The following ARAP1 variants were observed in gnomAD, a reference collection of about 807,000 sequenced individuals.
The protein encoded by ARAP1 is ArfGAP with RhoGAP domain, ankyrin repeat and PH domain 1, also known as arf-GAP with Rho-GAP domain, ANK repeat and PH domain-containing protein 1.
A neutral mutation model predicts 172.2 loss-of-function variants in ARAP1; 76 were observed. The ratio of observed to expected loss-of-function variants is 0.44; its 90% CI spans 0.37 to 0.53. The LOEUF is 0.53. ARAP1 is among the 20% of genes least tolerant of loss of function. The pLI, the probability that ARAP1 is intolerant of heterozygous loss-of-function variation, is 0.00. For synonymous variants in ARAP1, 804 were observed against 803.3 expected (o/e 1.00, Z -0.01); for missense variants, 1,686 against 1,977.5 (o/e 0.85, Z 2.80).
chr11:72,697,981 C>T lies in ARAP1; in HGVS notation c.2667G>A (p.Ser889=), dbSNP rs374176885. The change falls in exon 19 of 35, where the codon TCG becomes TCA. Residue 889 remains serine, a synonymous_variant. Transcript: ENST00000393609. ...CCTCCGGGAAGACAGCACGGAGCTC[C>T]GAGCCACTGAGAGAGAACCAGCCCT... is the stretch of plus-strand genomic sequence containing the variant. ...AQEGWFSLSG[S]ELRAVFPEGP... is the part of the protein sequence containing the mutation. The T allele has an allele frequency of 9.3e-6, 15 of 1,610,936 alleles. No homozygotes were observed. Among genetic ancestry groups the T allele is most frequent in the South Asian group, 3.3e-5 (3 of 90,710 alleles).
chr11:72,736,605 GA>G lies in ARAP1; in HGVS notation c.-127-4009del, dbSNP rs1858033575. Among the ~76,000 whole-genome samples, 3 of 152,214 alleles carry G rather than the reference GA, an allele frequency of 2.0e-5. No homozygotes were observed. The South Asian group carries it at 6.2e-4, about 32-fold the overall frequency. On this transcript the variant is annotated intron_variant, in intron 1 of 34. Coordinates refer to ENST00000393609, the MANE Select transcript of ARAP1 (RefSeq NM_001040118.3). ...TGTTGCGACAGCACAGCCAAGAGCT[GA>G]GGGGTTTCCCTCCTCTCCACCCTAA... is the stretch of plus-strand genomic sequence containing the variant.
chr11:72,739,911 C>G (rs535433199), intron 1 of ARAP1, among the ~76,000 whole-genome samples: 1 of 152,286 alleles, frequency 6.6e-6, no homozygotes, highest in Admixed American at 6.5e-5. Context: ...AGCTCCAGAC[C>G]AGACCTGACT....
At chr11:72,714,847 C>G (rs1276777464) in intron 3 of ARAP1, among the ~76,000 whole-genome samples, 2 of 152,294 alleles carry the variant, frequency 1.3e-5, no homozygotes, top group East Asian at 3.9e-4. Context: ...TCACTACCTC[C>G]TGGTGCCCTC....
chr11:72,712,014 C>A (rs1857035657), intron 7 of ARAP1, among the ~76,000 whole-genome samples, 182 bp downstream of exon 7: 2 of 152,138 alleles, frequency 1.3e-5, no homozygotes, highest in Admixed American at 1.3e-4. Context: ...ATTTTCAGGG[C>A]AATAAAATGG....
Position 72,725,322 on chromosome 11 carries a change from T to TTC in ARAP1, c.509+1296_509+1297dup, listed in dbSNP as rs991012296. 4.0e-5 allele frequency among the ~76,000 whole-genome samples: 6 copies of TTC among 150,700 alleles called. No homozygotes were observed. Among genetic ancestry groups the TTC allele is most frequent in the Non-Finnish European group, 5.9e-5 (4 of 67,624 alleles). On this transcript the variant is annotated intron_variant, in intron 3 of 34. Coordinates refer to ENST00000393609, the MANE Select transcript of ARAP1 (RefSeq NM_001040118.3). The surrounding 1 kb of genome is among the most constrained non-coding windows in gnomAD (Gnocchi z 4.3). Reference sequence around the variant, plus strand: ...TCTCTCTCTCTCTCTCTCTCTCTTTTTCTCTCTCTCTCTCCCCCCCACAAG... The same window carrying TTC: ...TCTCTCTCTCTCTCTCTCTCTCTTTTTCTCTCTCTCTCTCTCCCCCCCACAAG...
At chr11:72,744,607 C>T (rs999460864) in intron 1 of ARAP1, among the ~76,000 whole-genome samples, 5 of 152,216 alleles carry the variant, frequency 3.3e-5, no homozygotes, top group Non-Finnish European at 5.9e-5. Context: ...GCCGCACGGG[C>T]AAGTCAGGAC....
intron 2 of ARAP1, among the ~76,000 whole-genome samples, chr11:72,728,740 A>C (rs200096852): frequency 6.6e-6 from 1 of 152,238 alleles, no homozygotes; most frequent in East Asian, 1.9e-4. Flanking sequence ...AGAGATAAAC[A>C]ACAGCGATAG....
intron 3 of ARAP1, chr11:72,722,042 T>A: frequency 8.1e-6 from 8 of 985,642 alleles, no homozygotes; most frequent in Non-Finnish European, 9.6e-6. Context: ...TGAGCCCAGG[T>A]ATGGCTTTGC....
At position 72,695,552 on chromosome 11, in the gene ARAP1, C is replaced by T; in HGVS notation, c.3497G>A (p.Ser1166Asn). 1.2e-6 allele frequency: 2 copies of T among 1,614,114 alleles called. No individual in the cohort carries two copies. The highest frequency in any genetic ancestry group is 1.7e-6 in the Non-Finnish European group (2 of 1,180,028). ...GGCTCCAGCCTTCACCTGGGTCCCA[C>T]TGGCAGTGCCAGCCACGCGCATCTT... ...IVKMRVAGTA[S>N]GTQHAGDFIC... Residue 1166 changes from serine (S) to asparagine (N), a missense_variant, in exon 25 of 35, where the codon AGT becomes AAT. By Grantham distance (46) the Ser-to-Asn change is conservative (BLOSUM62 1). This residue lies in a region of ARAP1 where 379 missense variants were observed against 500.1 expected (regional missense o/e 0.76). Coordinates refer to ENST00000393609, the MANE Select transcript of ARAP1 (RefSeq NM_001040118.3). This position sits in a 1 kb window ranked among gnomAD's most constrained non-coding sequence, Gnocchi z 4.4.
At chr11:72,734,696 G>C (rs1857959474) in intron 1 of ARAP1, among the ~76,000 whole-genome samples, 1 of 152,166 alleles carries the variant, frequency 6.6e-6, no homozygotes, top group Admixed American at 6.5e-5. Flanking sequence ...ACACACCTAA[G>C]AAGGAGGCAG....
intron 31 of ARAP1, among the ~76,000 whole-genome samples, chr11:72,688,222 C>T (rs1345152411): frequency 2.0e-5 from 3 of 152,080 alleles, no homozygotes; most frequent in Non-Finnish European, 4.4e-5. Flanking sequence ...TGGGCTCAAG[C>T]AATCCACCTG....
At position 72,693,635 on chromosome 11, in the gene ARAP1, C is replaced by A; in HGVS notation, c.3808+57G>T. 2 of 1,546,820 alleles carry A rather than the reference C, an allele frequency of 1.3e-6. No homozygotes were observed. The highest frequency in any genetic ancestry group is 8.8e-7 in the Non-Finnish European group (1 of 1,142,382). On this transcript the variant is annotated intron_variant, in intron 28 of 34. Coordinates refer to ENST00000393609, the MANE Select transcript of ARAP1 (RefSeq NM_001040118.3). The surrounding 1 kb of genome is among the most constrained non-coding windows in gnomAD (Gnocchi z 4.6). ...CCTACCTGGCACCACCAGGTCCCAC[C>A]CTGGCTCTGGAAGAGAGGACCACCC...
Position 72,688,497 on chromosome 11 carries a change from T to C in ARAP1, c.4028A>G (p.Lys1343Arg), listed in dbSNP as rs750262068. 18 of 1,612,688 alleles carry C rather than the reference T, an allele frequency of 1.1e-5. No individual in the cohort carries two copies. The highest frequency in any genetic ancestry group is 3.3e-5 in the Admixed American group (2 of 59,880). ...TTTCTTCTTCACTCCCAGGTAGACT[T>C]TGAGACTCTTAATAGGCCACTCCTT... ...PEKEWPIKSL[K>R]VYLGVKKKLR... The change falls in exon 31 of 35, where the codon AAA becomes AGA. Residue 1343 changes from lysine (K) to arginine (R), a missense_variant. Coordinates refer to ENST00000393609, the MANE Select transcript of ARAP1 (RefSeq NM_001040118.3).
At chr11:72,696,780 A>C in intron 22 of ARAP1, 126 bp from the exon 23 acceptor site, 2 of 956,934 alleles carry the variant, frequency 2.1e-6, no homozygotes, top group Non-Finnish European at 3.0e-6. Flanking sequence ...AATGCAGGCC[A>C]GGCATTCAAC....
chr11:72,692,903 G>A, intron 29 of ARAP1, 118 bp from the exon 30 acceptor site: 1 of 1,328,796 alleles, frequency 7.5e-7, no homozygotes, highest in Non-Finnish European at 1.1e-6. Flanking sequence ...AAGGTGGAGG[G>A]TGTCAAATGG....
At chr11:72,686,715 G>T (rs924844634) in intron 33 of ARAP1, among the ~76,000 whole-genome samples, 5 of 152,144 alleles carry the variant, frequency 3.3e-5, no homozygotes, top group Admixed American at 6.5e-5. Flanking sequence ...CCATGTCCCT[G>T]CCTGGGCTAC....
rs1857651221 is a variant in ARAP1 at position 72,725,295 on chromosome 11, C to T, written c.509+1325G>A. On this transcript the variant is annotated intron_variant, in intron 3 of 34. Coordinates refer to ENST00000393609, the MANE Select transcript of ARAP1 (RefSeq NM_001040118.3). The surrounding 1 kb of genome is among the most constrained non-coding windows in gnomAD (Gnocchi z 4.3). ...TTCTCTATCCTCTTCTCTCTTCTAA[C>T]CTCTCTCTCTCTCTCTCTCTCTCTT... is the stretch of plus-strand genomic sequence containing the variant. Among the ~76,000 whole-genome samples, 1 of 147,876 alleles carries T rather than the reference C, an allele frequency of 6.8e-6. No homozygotes were observed. Among genetic ancestry groups the T allele is most frequent in the Admixed American group, 6.7e-5 (1 of 14,922 alleles).
chr11:72,709,910 G>T lies in ARAP1; in HGVS notation c.1483C>A (p.Arg495=). 2 of 1,614,148 alleles carry T rather than the reference G, an allele frequency of 1.2e-6. No homozygotes were observed. The highest frequency in any genetic ancestry group is 8.5e-7 in the Non-Finnish European group (1 of 1,180,018). The change falls in exon 11 of 35, where the codon CGG becomes AGG. Residue 495 remains arginine (R), a synonymous_variant. Transcript: ENST00000393609. ...GGCGTGGTGAGGTCGAAGCTGCGCCGGTCCACTTCCTTCACGTTGCCCACG... is the reference window on the plus strand; with the variant it reads ...GGCGTGGTGAGGTCGAAGCTGCGCCTGTCCACTTCCTTCACGTTGCCCACG... ...MSVGNVKEVD[R]RSFDLTTPYR... is the part of the protein sequence containing the mutation.
chr11:72,697,825 G>A, intron 19 of ARAP1, 86 bp downstream of exon 19: 2 of 1,488,634 alleles, frequency 1.3e-6, no homozygotes, highest in Non-Finnish European at 9.0e-7. Flanking sequence ...GCCAGGCAGA[G>A]TTCAGATTTC....
Sources: gnomAD v4.1 joint callset for allele counts (sites outside exome capture counted in the v4.1 genomes callset) on GRCh38, gnomAD v4.1.1 for gene constraint, gnomAD v4.1.1 regional missense constraint, Gnocchi (gnomAD v3.1) non-coding constraint, MANE v1.5 for transcripts, NCBI Gene and HGNC (gene_info 2026-07-23, HGNC 2026-07-21) for gene names.